GRIN2B: variants seen among roughly 807,000 people sequenced by gnomAD.
GRIN2B encodes glutamate ionotropic receptor NMDA type subunit 2B.
A neutral mutation model predicts 114.5 loss-of-function variants in GRIN2B; 5 were observed. The ratio of observed to expected loss-of-function variants is 0.04; its 90% CI spans 0.02 to 0.09. The LOEUF is 0.09. Ranked by LOEUF, GRIN2B falls within the 10% of genes least tolerant of loss-of-function variation. The pLI, the probability that GRIN2B is intolerant of heterozygous loss-of-function variation, is 1.00. For synonymous variants in GRIN2B, 787 were observed against 745.1 expected, an observed-to-expected ratio of 1.06 and a Z score of -0.92; for missense variants, 1,108 against 1,943.5, an observed-to-expected ratio of 0.57 and a Z score of 8.08.
intron 5 of GRIN2B, among the ~76,000 whole-genome samples, chr12:13,636,383 T>C (rs1019413378): frequency 7.2e-5 from 11 of 152,160 alleles, no homozygotes; most frequent in Non-Finnish European, 1.2e-4. Context: ...TGGAAAGTCA[T>C]GGCAGGGTTT....
intron 3 of GRIN2B, among the ~76,000 whole-genome samples, chr12:13,777,519 T>A (rs1272877578): frequency 6.6e-6 from 1 of 152,160 alleles, no homozygotes; most frequent in African/African-American, 2.4e-5. Context: ...ATACCCATCT[T>A]CAGAATAAGG....
chr12:13,771,759 G>A (rs182831244), intron 3 of GRIN2B, among the ~76,000 whole-genome samples: 12 of 152,316 alleles, frequency 7.9e-5, no homozygotes, highest in Admixed American at 5.9e-4. Context: ...GTGAGGATGC[G>A]TTTCATTTCA....
intron 3 of GRIN2B, among the ~76,000 whole-genome samples, chr12:13,858,647 TTTC>T (rs1953355055): frequency 6.6e-6 from 1 of 151,954 alleles, no homozygotes; most frequent in South Asian, 2.1e-4. Flanking sequence ...CCACGAATAT[TTTC>T]TTCATGTAAT....
intron 2 of GRIN2B, among the ~76,000 whole-genome samples, chr12:13,954,564 C>A (rs141866807): frequency 1.3e-5 from 2 of 151,970 alleles, no homozygotes; most frequent in Non-Finnish European, 2.9e-5. Flanking sequence ...AATCCCAGCA[C>A]TTTGGGAGGC....
At chr12:13,694,076 C>G (rs556219111) in intron 4 of GRIN2B, among the ~76,000 whole-genome samples, 2 of 152,120 alleles carry the variant, frequency 1.3e-5, no homozygotes, top group East Asian at 1.9e-4. Context: ...GTGCAATAAA[C>G]AGCCAAATTT....
chr12:13,864,979 C>A (rs1046721235), intron 3 of GRIN2B, among the ~76,000 whole-genome samples: 2 of 152,180 alleles, frequency 1.3e-5, no homozygotes, highest in African/African-American at 4.8e-5. Context: ...AAATGTGTTG[C>A]TACAGGTTCC....
rs182602991 is a variant in GRIN2B, at chr12:13,691,808, T to G, written c.1011-15949A>C. On this transcript the variant is annotated intron_variant, in intron 4 of 13. Coordinates refer to ENST00000609686, the MANE Select transcript of GRIN2B (RefSeq NM_000834.5). ...ATCTCCATGGCAACCACATTACATG[T>G]ACAGAGAACTGCCAAAATAAGTCAA... Among the ~76,000 whole-genome samples, 819 of 152,222 alleles carry G rather than the reference T, an allele frequency of 5.4e-3. 21 individuals are homozygous for G. The highest frequency in any genetic ancestry group is 5.6e-3 in the East Asian group (29 of 5,170).
At chr12:13,758,757 C>G (rs1247024493) in intron 3 of GRIN2B, among the ~76,000 whole-genome samples, 2 of 152,170 alleles carry the variant, frequency 1.3e-5, no homozygotes, top group Non-Finnish European at 2.9e-5. Context: ...ACTTCTATCT[C>G]CCCTTTGCTT....
At chr12:13,749,516 G>A (rs1036407950) in intron 4 of GRIN2B, among the ~76,000 whole-genome samples, 7 of 152,228 alleles carry the variant, frequency 4.6e-5, no homozygotes, top group Non-Finnish European at 7.3e-5. Context: ...CAGTTGCTGA[G>A]AGGAGAATAG....
At chr12:13,573,570 T>TA (rs1948734072) in intron 10 of GRIN2B, among the ~76,000 whole-genome samples, 1 of 125,566 alleles carries the variant, frequency 8.0e-6, no homozygotes, top group Non-Finnish European at 1.8e-5. Context: ...TCTCTAAGCT[T>TA]CTTATTCTAT....
At chr12:13,748,037 T>A (rs533096310) in intron 4 of GRIN2B, among the ~76,000 whole-genome samples, 50 of 152,260 alleles carry the variant, frequency 3.3e-4, no homozygotes, top group South Asian at 6.2e-4. Flanking sequence ...AAGAAAGTAC[T>A]TTTTTTCACA....
intron 4 of GRIN2B, among the ~76,000 whole-genome samples, chr12:13,679,827 T>G (rs968485952): frequency 6.6e-6 from 1 of 152,160 alleles, no homozygotes; most frequent in Non-Finnish European, 1.5e-5. Context: ...CATGTGATCT[T>G]GGCACCTGAA....
At chr12:13,630,618 G>C (rs1315153216) in intron 5 of GRIN2B, among the ~76,000 whole-genome samples, 1 of 152,134 alleles carries the variant, frequency 6.6e-6, no homozygotes, top group African/African-American at 2.4e-5. Context: ...CTGATCCCCA[G>C]TACCAACACT....
intron 2 of GRIN2B, among the ~76,000 whole-genome samples, chr12:13,964,867 T>C (rs1867762003): frequency 6.6e-6 from 1 of 152,200 alleles, no homozygotes. Context: ...ACCTCATTCC[T>C]CAGCAGGAGC....
chr12:13,561,405 G>A lies in GRIN2B; in HGVS notation c.*1378C>T, dbSNP rs1948541587. ...TTCGTACCTCCAGAGCTGCACTCAT[G>A]GAGTGCAGCTCATTTCTCTTAAAGG... On this transcript the variant is annotated 3_prime_UTR_variant, in exon 14 of 14. Coordinates refer to ENST00000609686, the MANE Select transcript of GRIN2B (RefSeq NM_000834.5). The A allele has an allele frequency of 6.6e-6, 1 of 152,382 alleles. No homozygotes were observed. Among genetic ancestry groups the A allele is most frequent in the South Asian group, 2.1e-4 (1 of 4,804 alleles). 9.4% of individuals were successfully genotyped at this position (152,382 alleles called of 1,614,324 possible).
chr12:13,962,880 G>A (rs1867722149), intron 2 of GRIN2B, among the ~76,000 whole-genome samples: 1 of 152,230 alleles, frequency 6.6e-6, no homozygotes. Flanking sequence ...AGGAGGAAGG[G>A]TGATAGGCAC....
chr12:13,722,211 C>T (rs1274731191), intron 4 of GRIN2B, among the ~76,000 whole-genome samples: 1 of 152,002 alleles, frequency 6.6e-6, no homozygotes, highest in African/African-American at 2.4e-5. Context: ...TTAAGAGGAA[C>T]AGAAAAACAA....
chr12:13,820,184 A>T (rs755973537), intron 3 of GRIN2B, among the ~76,000 whole-genome samples: 1 of 152,196 alleles, frequency 6.6e-6, no homozygotes, highest in Non-Finnish European at 1.5e-5. Context: ...AGAGGCTTAC[A>T]GTCCCCATGG....
At chr12:13,804,754 A>C (rs2136677618) in intron 3 of GRIN2B, among the ~76,000 whole-genome samples, 1 of 152,128 alleles carries the variant, frequency 6.6e-6, no homozygotes, top group South Asian at 2.1e-4. Flanking sequence ...TACATTCTAA[A>C]CTCCATGAGG....
Sources: gnomAD v4.1 joint callset for allele counts (sites outside exome capture counted in the v4.1 genomes callset) on GRCh38, gnomAD v4.1.1 for gene constraint, MANE v1.5 for transcripts, NCBI Gene and HGNC (gene_info 2026-07-23, HGNC 2026-07-21) for gene names.